Variants in FBXL17 observed in about 807,000 individuals in gnomAD.
FBXL17 encodes the protein F-box and leucine rich repeat protein 17, also known as F-box/LRR-repeat protein 17.
A neutral mutation model predicts 66.2 loss-of-function variants in FBXL17; 22 were observed. The observed-to-expected ratio is 0.33, with a 90% CI of 0.24 to 0.47. FBXL17 has a LOEUF of 0.47. FBXL17 is among the 20% of genes least tolerant of loss of function. FBXL17 has a pLI of 1.00. For missense variants in FBXL17, 878 were observed against 948.2 expected, an observed-to-expected ratio of 0.93 and a Z score of 0.97; for synonymous variants, 474 against 400.5, an observed-to-expected ratio of 1.18 and a Z score of -2.19.
intron 5 of FBXL17, among the ~76,000 whole-genome samples, chr5:108,189,754 TAG>T (rs992007535): frequency 6.6e-6 from 1 of 152,192 alleles, no homozygotes; most frequent in Non-Finnish European, 1.5e-5. Context: ...ACAAAGGATC[TAG>T]AGGTCTGAGA....
intron 4 of FBXL17, among the ~76,000 whole-genome samples, chr5:108,310,959 C>A (rs1325284246): frequency 6.6e-6 from 1 of 152,114 alleles, no homozygotes. Flanking sequence ...AAAATGCCAG[C>A]AAACTTCTTC....
chr5:108,127,613 G>C (rs1327965902), intron 6 of FBXL17, among the ~76,000 whole-genome samples: 2 of 151,912 alleles, frequency 1.3e-5, no homozygotes, highest in South Asian at 2.1e-4. Flanking sequence ...GCTAGGAAGG[G>C]GGAAATTCTG....
chr5:108,267,796 G>GT (rs1468084351), intron 4 of FBXL17, among the ~76,000 whole-genome samples: 1 of 152,046 alleles, frequency 6.6e-6, no homozygotes, highest in Non-Finnish European at 1.5e-5. Context: ...TAGAACTGCT[G>GT]TATTTGGTAG....
chr5:108,019,406 C>T (rs1754502140), intron 7 of FBXL17, among the ~76,000 whole-genome samples: 2 of 151,970 alleles, frequency 1.3e-5, no homozygotes, highest in South Asian at 4.2e-4. Context: ...ATCTCTATGC[C>T]TTCAGGATAA....
rs560437042 is a variant in FBXL17 at position 107,964,017 on chromosome 5, CCAAA to C, written c.1822+56904_1822+56907del. On this transcript the variant is annotated intron_variant, in intron 7 of 8. Transcript: ENST00000542267. The stretch of plus-strand genomic sequence containing the variant: ...ACACATTTATCACTTAGGCAAATGT[CCAAA>C]CAAAGTTTGAGAAATATGAATAAAG... Among the ~76,000 whole-genome samples the C allele has an allele frequency of 3.8e-3, 573 of 152,182 alleles. 2 individuals are homozygous for C. Among genetic ancestry groups the C allele is most frequent in the Non-Finnish European group, 5.6e-3 (380 of 67,988 alleles).
At chr5:107,879,134 A>T in intron 8 of FBXL17, 2 of 985,434 alleles carry the variant, frequency 2.0e-6, no homozygotes, top group Non-Finnish European at 2.4e-6. Flanking sequence ...TAACTGTAAC[A>T]TACAACTTCT....
At chr5:107,932,976 G>C (rs1335752775) in intron 7 of FBXL17, among the ~76,000 whole-genome samples, 3 of 152,050 alleles carry the variant, frequency 2.0e-5, no homozygotes, top group Non-Finnish European at 4.4e-5. Context: ...AGATATATGT[G>C]GTTTGGAAAG....
chr5:108,276,980 G>A (rs180863662), intron 4 of FBXL17, among the ~76,000 whole-genome samples: 86 of 151,752 alleles, frequency 5.7e-4, no homozygotes, highest in South Asian at 1.5e-3. Flanking sequence ...TTGTACTTCA[G>A]ACATCTTTAT....
intron 5 of FBXL17, among the ~76,000 whole-genome samples, chr5:108,220,401 C>A (rs2966806): frequency 0.36 from 54,604 of 151,850 alleles, 10,051 homozygotes; most frequent in African/African-American, 0.44. Context: ...TGAGACAATC[C>A]CAGAGCTCCT....
At chr5:108,089,735 G>C (rs1158695051) in intron 6 of FBXL17, among the ~76,000 whole-genome samples, 1 of 152,152 alleles carries the variant, frequency 6.6e-6, no homozygotes, top group African/African-American at 2.4e-5. Flanking sequence ...TGAGGTTCCT[G>C]ACAAACTGCC....
chr5:107,921,117 A>G (rs891709533), intron 7 of FBXL17, among the ~76,000 whole-genome samples: 1 of 152,352 alleles, frequency 6.6e-6, no homozygotes, highest in Admixed American at 6.5e-5. Context: ...AAAAAATAAC[A>G]TTGTATTGTT....
chr5:107,870,905 T>C (rs1445358195), intron 8 of FBXL17, among the ~76,000 whole-genome samples: 1 of 151,850 alleles, frequency 6.6e-6, no homozygotes, highest in Non-Finnish European at 1.5e-5. Flanking sequence ...GTTGACTATG[T>C]TACTGGAGCC....
intron 7 of FBXL17, among the ~76,000 whole-genome samples, chr5:107,902,301 G>A (rs1749592916): frequency 6.6e-6 from 1 of 152,056 alleles, no homozygotes; most frequent in South Asian, 2.1e-4. Flanking sequence ...GAATTAATAG[G>A]TTTATATGGG....
intron 4 of FBXL17, among the ~76,000 whole-genome samples, chr5:108,293,876 A>T (rs1758224900): frequency 6.6e-6 from 1 of 151,562 alleles, no homozygotes; most frequent in South Asian, 2.1e-4. Flanking sequence ...CCCCATCTCT[A>T]CTAAAAACAC....
chr5:108,209,526 T>C (rs1754274985), intron 5 of FBXL17, among the ~76,000 whole-genome samples: 1 of 152,212 alleles, frequency 6.6e-6, no homozygotes, highest in African/African-American at 2.4e-5. Flanking sequence ...TGAAGGGGTG[T>C]TGAATTTTGT....
chr5:107,887,674 C>T (rs915964127), intron 7 of FBXL17, among the ~76,000 whole-genome samples: 6 of 152,260 alleles, frequency 3.9e-5, no homozygotes, highest in Non-Finnish European at 5.9e-5. Context: ...TCATTTGTTG[C>T]ATTCATGGTC....
chr5:108,245,379 T>TA (rs200499083), intron 4 of FBXL17, among the ~76,000 whole-genome samples: 16 of 151,062 alleles, frequency 1.1e-4, no homozygotes, highest in East Asian at 7.8e-4. Context: ...AATTACTTGT[T>TA]AAAAAAAAAC....
chr5:108,371,190 T>C (rs1315282145), intron 1 of FBXL17, among the ~76,000 whole-genome samples: 1 of 152,212 alleles, frequency 6.6e-6, no homozygotes, highest in Admixed American at 6.5e-5. Context: ...TCCCAAATGC[T>C]ACGTCAGTAG....
Position 108,072,639 on chromosome 5 carries a change from C to T in FBXL17, c.1746-51638G>A, listed in dbSNP as rs1000158999. ...AGGAGAAGGGCGTGAACCCGGGAGG[C>T]GGAGCTTACAGTGAGCCGAGATTGC... On this transcript the variant is annotated intron_variant, in intron 6 of 8. Coordinates refer to ENST00000542267, the MANE Select transcript of FBXL17 (RefSeq NM_001163315.3). Among the ~76,000 whole-genome samples, 20 of 152,224 alleles carry T rather than the reference C, an allele frequency of 1.3e-4. No homozygotes were observed. The East Asian group carries it at 1.7e-3, about 13-fold the overall frequency.
Sources: allele counts gnomAD v4.1 joint callset (sites outside exome capture counted in the v4.1 genomes callset), GRCh38; gene constraint gnomAD v4.1.1; transcripts MANE v1.5; gene names NCBI Gene and HGNC (gene_info 2026-07-23, HGNC 2026-07-21).